Variants in INPP5A observed in about 807,000 individuals in gnomAD.
INPP5A encodes the protein 43 kDa inositol polyphosphate 5-phophatase.
Under a neutral mutation model 65.2 loss-of-function variants are expected in INPP5A, and 14 were observed. That is an observed-to-expected ratio of 0.21 (90% CI 0.14 to 0.34). The LOEUF is 0.34. Ranked by LOEUF, INPP5A falls within the 10% of genes least tolerant of loss-of-function variation. INPP5A has a pLI of 1.00. For missense variants in INPP5A, 431 were observed against 545.6 expected (o/e 0.79, Z 2.09); for synonymous variants, 207 against 208.3 (o/e 0.99, Z 0.05).
At chr10:132,695,143 A>G (rs950505700) in intron 5 of INPP5A, among the ~76,000 whole-genome samples, 5 of 152,206 alleles carry the variant, frequency 3.3e-5, no homozygotes, top group African/African-American at 9.6e-5. Context: ...AGTCAGTTAT[A>G]TACTATGACC....
chr10:132,662,142 C>T (rs546075567), intron 4 of INPP5A, among the ~76,000 whole-genome samples: 3 of 152,288 alleles, frequency 2.0e-5, no homozygotes, highest in South Asian at 4.2e-4. Context: ...GTCAGTTGGA[C>T]CTATGAAGAC....
At chr10:132,571,305 A>G (rs1037234065) in intron 1 of INPP5A, among the ~76,000 whole-genome samples, 9 of 152,224 alleles carry the variant, frequency 5.9e-5, no homozygotes, top group Non-Finnish European at 1.2e-4. Context: ...TGGCGCAAGG[A>G]CACACCCATC....
chr10:132,699,198 G>A (rs1035753586), intron 6 of INPP5A, among the ~76,000 whole-genome samples: 21 of 152,134 alleles, frequency 1.4e-4, no homozygotes, highest in Admixed American at 1.1e-3. Context: ...AGGGCAGGGC[G>A]GGGGCTGTGG....
At chr10:132,669,205 A>C (rs776344328) in intron 4 of INPP5A, among the ~76,000 whole-genome samples, 7 of 152,276 alleles carry the variant, frequency 4.6e-5, no homozygotes, top group African/African-American at 1.7e-4. Flanking sequence ...GTGAGCAGAC[A>C]TCGTGCCACC....
At chr10:132,581,599 A>C (rs1333068119) in intron 1 of INPP5A, among the ~76,000 whole-genome samples, 1 of 151,940 alleles carries the variant, frequency 6.6e-6, no homozygotes, top group African/African-American at 2.4e-5. Flanking sequence ...GTGCAGTGGG[A>C]CCTCACTGTA....
chr10:132,547,961 G>A lies in INPP5A; in HGVS notation c.75+9790G>A, dbSNP rs997968525. On this transcript the variant is annotated intron_variant, in intron 1 of 15. Coordinates refer to ENST00000368594, the MANE Select transcript of INPP5A (RefSeq NM_005539.5). The surrounding 1 kb of genome is among the most constrained non-coding windows in gnomAD (Gnocchi z 5.5). ...ATCACCCAGGCTGGAGTACAATGGC[G>A]TGATCTCACCTCACTGCGACCTCCG... Among the ~76,000 whole-genome samples the A allele has an allele frequency of 1.3e-5, 2 of 151,546 alleles. No individual in the cohort carries two copies. Among genetic ancestry groups the A allele is most frequent in the African/African-American group, 2.4e-5 (1 of 41,170 alleles).
At chr10:132,570,293 C>T (rs569761693) in intron 1 of INPP5A, among the ~76,000 whole-genome samples, 1 of 152,240 alleles carries the variant, frequency 6.6e-6, no homozygotes, top group South Asian at 2.1e-4. Context: ...TGTGAGCTCT[C>T]ATAGAACCAG....
intron 2 of INPP5A, among the ~76,000 whole-genome samples, chr10:132,626,304 A>G (rs1428095857): frequency 6.6e-6 from 1 of 152,254 alleles, no homozygotes; most frequent in African/African-American, 2.4e-5. Context: ...GCTGCCGTGC[A>G]TGTGGACACG....
chr10:132,617,368 T>A (rs2072051955), intron 2 of INPP5A, among the ~76,000 whole-genome samples: 1 of 152,172 alleles, frequency 6.6e-6, no homozygotes, highest in Non-Finnish European at 1.5e-5. Flanking sequence ...GACAAGAAGC[T>A]TTCCCTCCGG....
In INPP5A at chr10:132,650,741, G is replaced by A. The variant is rs73383166; in HGVS notation, c.306+236G>A. ...ACAGGGTCTTGGGGCTCCAGACCAA[G>A]CCCAAGAGGGAATTGGGGAGTGACA... On this transcript the variant is annotated intron_variant, in intron 4 of 15. Coordinates refer to ENST00000368594, the MANE Select transcript of INPP5A (RefSeq NM_005539.5). This position sits in a 1 kb window ranked among gnomAD's most constrained non-coding sequence, Gnocchi z 5.5. Among the ~76,000 whole-genome samples the A allele has an allele frequency of 2.9e-3, 446 of 152,326 alleles. 2 individuals carry two copies. The highest frequency in any genetic ancestry group is 0.01 in the African/African-American group (426 of 41,572).
chr10:132,578,873 T>C (rs2071444488), intron 1 of INPP5A, among the ~76,000 whole-genome samples: 1 of 152,052 alleles, frequency 6.6e-6, no homozygotes, highest in African/African-American at 2.4e-5. Context: ...GGCCGTAGTC[T>C]TAGGGAGGGT....
At chr10:132,602,158 C>T (rs1226106078) in intron 1 of INPP5A, among the ~76,000 whole-genome samples, 1 of 152,200 alleles carries the variant, frequency 6.6e-6, no homozygotes, top group East Asian at 1.9e-4. Context: ...GTGTTCAAGT[C>T]TTGCCTCCTT....
chr10:132,547,821 T>G lies in INPP5A; in HGVS notation c.75+9650T>G, dbSNP rs1465093449. Among the ~76,000 whole-genome samples the G allele has an allele frequency of 6.6e-6, 1 of 152,146 alleles. No homozygotes were observed. Among genetic ancestry groups the G allele is most frequent in the Admixed American group, 6.5e-5 (1 of 15,284 alleles). ...GTCCCAAGCTCCCTTCCTGTCATACTGTGCTTTACCGTGACTGTGGCGTCA... is the reference window on the plus strand; with the variant it reads ...GTCCCAAGCTCCCTTCCTGTCATACGGTGCTTTACCGTGACTGTGGCGTCA... On this transcript the variant is annotated intron_variant, in intron 1 of 15. Coordinates refer to ENST00000368594, the MANE Select transcript of INPP5A (RefSeq NM_005539.5). This position sits in a 1 kb window ranked among gnomAD's most constrained non-coding sequence, Gnocchi z 5.5.
intron 6 of INPP5A, among the ~76,000 whole-genome samples, chr10:132,699,361 G>GT (rs1845398891): frequency 7.3e-6 from 1 of 137,264 alleles, no homozygotes; most frequent in African/African-American, 2.6e-5. Flanking sequence ...GGGTGCTGGG[G>GT]TGGGGGGGGG....
rs2072957126 is a variant in INPP5A at position 132,675,808 on chromosome 10, G to A, written c.307-14584G>A. On this transcript the variant is annotated intron_variant, in intron 4 of 15. Transcript: ENST00000368594. This position sits in a 1 kb window ranked among gnomAD's most constrained non-coding sequence, Gnocchi z 4.2. ...AAGGCTTTTGAGTAGAGTTTTATATGCCCTGAGCTTTTGTACTGGCAGAAG... is the reference window on the plus strand; with the variant it reads ...AAGGCTTTTGAGTAGAGTTTTATATACCCTGAGCTTTTGTACTGGCAGAAG... 6.6e-6 allele frequency among the ~76,000 whole-genome samples: 1 copy of A among 152,170 alleles called. No homozygotes were observed. The highest frequency in any genetic ancestry group is 1.5e-5 in the Non-Finnish European group (1 of 68,038).
At chr10:132,619,748 T>C (rs550085285) in intron 2 of INPP5A, among the ~76,000 whole-genome samples, 1 of 152,324 alleles carries the variant, frequency 6.6e-6, no homozygotes, top group South Asian at 2.1e-4. Flanking sequence ...AACTTCAGTC[T>C]CCCAGGTTCA....
At chr10:132,739,708 T>A (rs929610642) in intron 9 of INPP5A, among the ~76,000 whole-genome samples, 1 of 152,226 alleles carries the variant, frequency 6.6e-6, no homozygotes, top group Non-Finnish European at 1.5e-5. Context: ...GAAAGGAGTC[T>A]GGAGCCTCCG....
At chr10:132,641,414 A>G (rs1801396782) in intron 2 of INPP5A, among the ~76,000 whole-genome samples, 2 of 152,228 alleles carry the variant, frequency 1.3e-5, no homozygotes, top group African/African-American at 2.4e-5. Context: ...GTGAAGTTAT[A>G]TTTCTCCATA....
At chr10:132,605,665 G>A (rs1003089244) in intron 1 of INPP5A, among the ~76,000 whole-genome samples, 3 of 152,104 alleles carry the variant, frequency 2.0e-5, no homozygotes, top group Non-Finnish European at 4.4e-5. Context: ...AGCGCCACGC[G>A]GGCCAGAAAG....
Sources: gnomAD v4.1 joint callset for allele counts (sites outside exome capture counted in the v4.1 genomes callset) on GRCh38, gnomAD v4.1.1 for gene constraint, Gnocchi (gnomAD v3.1) non-coding constraint, MANE v1.5 for transcripts, NCBI Gene and HGNC (gene_info 2026-07-23, HGNC 2026-07-21) for gene names.